Variants in PIEZO2 observed in about 807,000 individuals in gnomAD.
PIEZO2 encodes the protein piezo-type mechanosensitive ion channel component 2.
In PIEZO2, 172 loss-of-function variants were observed where a neutral mutation model predicts 337.3. The observed-to-expected ratio is 0.51, with a 90% confidence interval of 0.45 to 0.58. PIEZO2 has a LOEUF of 0.58. Ranked by LOEUF, PIEZO2 falls within the 20% of genes least tolerant of loss-of-function variation. PIEZO2 has a pLI of 0.00. For synonymous variants in PIEZO2, 1,251 were observed against 1,228.5 expected, an observed-to-expected ratio of 1.02 and a Z score of -0.38; for missense variants, 3,028 against 3,391.3, an observed-to-expected ratio of 0.89 and a Z score of 2.66.
At chr18:10,693,289 A>C (rs2034930582) in intron 47 of PIEZO2, among the ~76,000 whole-genome samples, 1 of 151,682 alleles carries the variant, frequency 6.6e-6, no homozygotes, top group Non-Finnish European at 1.5e-5. Context: ...TGTAGATTCC[A>C]CCGGATTTTC....
chr18:10,903,901 A>T lies in PIEZO2; in HGVS notation c.329+7285T>A, dbSNP rs1360800562. Among the ~76,000 whole-genome samples the T allele has an allele frequency of 6.6e-6, 1 of 152,176 alleles. No individual in the cohort carries two copies. The highest frequency in any genetic ancestry group is 1.9e-4 in the East Asian group (1 of 5,194). ...ATCCCTGTCCCCCAACTATGCAGCC[A>T]GGCCTTGCCTCAACCTCACACATTG... On this transcript the variant is annotated intron_variant, in intron 4 of 55. Transcript: ENST00000674853. The surrounding 1 kb of genome is among the most constrained non-coding windows in gnomAD (Gnocchi z 4.1).
chr18:10,726,961 A>C lies in PIEZO2; in HGVS notation c.5029+4446T>G. The C allele has an allele frequency of 7.2e-7, 1 of 1,397,960 alleles. No individual in the cohort carries two copies. The highest frequency in any genetic ancestry group is 1.4e-5 in the South Asian group (1 of 73,270). The allele number at this position is 1,397,960 out of a possible 1,614,324, so 86.6% of individuals were successfully genotyped here. ...CTGATGTAGGTTGAGGGCTGCAGAC[A>C]GAGGCCCTGGACAGAAGCTCCAGAT... is the stretch of plus-strand genomic sequence containing the variant. On this transcript the variant is annotated intron_variant, in intron 36 of 55. Coordinates refer to ENST00000674853, the MANE Select transcript of PIEZO2 (RefSeq NM_001378183.1). The surrounding 1 kb of genome is among the most constrained non-coding windows in gnomAD (Gnocchi z 5.9).
Position 10,855,658 on chromosome 18 carries a change from C to A in PIEZO2, c.704-92G>T. On this transcript the variant is annotated intron_variant, in intron 6 of 55. Coordinates refer to ENST00000674853, the MANE Select transcript of PIEZO2 (RefSeq NM_001378183.1). This position sits in a 1 kb window ranked among gnomAD's most constrained non-coding sequence, Gnocchi z 4.9. Reference sequence around the variant, plus strand: ...TGACTATTTGAAATTATGTGAATTTCCTTCAAGTGTTTTTAGGTTTTTTAA... The same window carrying A: ...TGACTATTTGAAATTATGTGAATTTACTTCAAGTGTTTTTAGGTTTTTTAA... The A allele has an allele frequency of 9.5e-7, 1 of 1,049,348 alleles. No homozygotes were observed. The highest frequency in any genetic ancestry group is 1.3e-6 in the Non-Finnish European group (1 of 747,004). The allele number at this position is 1,049,348 out of a possible 1,614,324, so 65.0% of individuals were successfully genotyped here.
intron 2 of PIEZO2, among the ~76,000 whole-genome samples, chr18:11,049,426 C>T (rs180946949): frequency 2.6e-5 from 4 of 152,196 alleles, no homozygotes; most frequent in Non-Finnish European, 4.4e-5. Context: ...CACCAGGTAA[C>T]GTTTGTCAAA....
chr18:10,849,827 C>T (rs1224407524), intron 7 of PIEZO2, among the ~76,000 whole-genome samples: 2 of 152,144 alleles, frequency 1.3e-5, no homozygotes, highest in East Asian at 1.9e-4. Context: ...CATTTTTCTT[C>T]GGGAGACCTG....
chr18:10,854,039 C>T lies in PIEZO2; in HGVS notation c.917+1314G>A, dbSNP rs1217038440. 6.6e-6 allele frequency among the ~76,000 whole-genome samples: 1 copy of T among 152,142 alleles called. No homozygotes were observed. The highest frequency in any genetic ancestry group is 2.4e-5 in the African/African-American group (1 of 41,434). ...CTGAACTAGACAGTTGCTGCCTCCACTCTCTATGCAGGCCTCTTTTCCATG... is the reference window on the plus strand; with the variant it reads ...CTGAACTAGACAGTTGCTGCCTCCATTCTCTATGCAGGCCTCTTTTCCATG... On this transcript the variant is annotated intron_variant, in intron 7 of 55. Coordinates refer to ENST00000674853, the MANE Select transcript of PIEZO2 (RefSeq NM_001378183.1). The surrounding 1 kb of genome is among the most constrained non-coding windows in gnomAD (Gnocchi z 4.6).
rs1031750970 is a variant in PIEZO2 at position 11,078,187 on chromosome 18, C to T, written c.65-11965G>A. 6.6e-6 allele frequency among the ~76,000 whole-genome samples: 1 copy of T among 151,960 alleles called. No individual in the cohort carries two copies. Among genetic ancestry groups the T allele is most frequent in the Non-Finnish European group, 1.5e-5 (1 of 67,974 alleles). On this transcript the variant is annotated intron_variant, in intron 1 of 55. Coordinates refer to ENST00000674853, the MANE Select transcript of PIEZO2 (RefSeq NM_001378183.1). The surrounding 1 kb of genome is among the most constrained non-coding windows in gnomAD (Gnocchi z 5.3). ...CACACACCACACACACATACACACA[C>T]ACACTTGTATGGGCTTTATGTAAGC...
At chr18:10,799,710 C>T (rs2039737695) in intron 11 of PIEZO2, among the ~76,000 whole-genome samples, 1 of 152,150 alleles carries the variant, frequency 6.6e-6, no homozygotes, top group African/African-American at 2.4e-5. Flanking sequence ...CGGTGGCCCA[C>T]CCCTGTAGTC....
intron 2 of PIEZO2, among the ~76,000 whole-genome samples, chr18:11,004,942 C>T (rs909728491): frequency 6.6e-6 from 1 of 152,194 alleles, no homozygotes; most frequent in African/African-American, 2.4e-5. Flanking sequence ...TAGCATGGGG[C>T]TTTGCACATA....
chr18:11,004,319 G>C (rs886215731), intron 2 of PIEZO2, among the ~76,000 whole-genome samples: 2 of 152,170 alleles, frequency 1.3e-5, no homozygotes, highest in Non-Finnish European at 2.9e-5. Flanking sequence ...TTCCAGATTG[G>C]GGGCTTGGCC....
chr18:10,760,647 G>A (rs1049194410), intron 24 of PIEZO2, among the ~76,000 whole-genome samples: 5 of 152,162 alleles, frequency 3.3e-5, no homozygotes, highest in Admixed American at 2.0e-4. Context: ...CTGTTAACAC[G>A]GCAACTGATG....
Position 10,727,263 on chromosome 18 carries a change from C to G in PIEZO2, c.5029+4144G>C, listed in dbSNP as rs1269927561. Reference sequence around the variant, plus strand: ...GATGAGGGTGGTTTGGGAATAGAAACTTGTTCTTGCATAAGATGGCTTTGG... The same window carrying G: ...GATGAGGGTGGTTTGGGAATAGAAAGTTGTTCTTGCATAAGATGGCTTTGG... On this transcript the variant is annotated intron_variant, in intron 36 of 55. Coordinates refer to ENST00000674853, the MANE Select transcript of PIEZO2 (RefSeq NM_001378183.1). This position sits in a 1 kb window ranked among gnomAD's most constrained non-coding sequence, Gnocchi z 6.3. 1.0e-5 allele frequency: 2 copies of G among 198,354 alleles called. No individual in the cohort carries two copies. Among genetic ancestry groups the G allele is most frequent in the Non-Finnish European group, 2.0e-5 (2 of 99,068 alleles). The allele number at this position is 198,354 out of a possible 1,614,324, so 12.3% of individuals were successfully genotyped here.
At chr18:10,679,534 A>C (rs1470925368) in intron 52 of PIEZO2, among the ~76,000 whole-genome samples, 14 of 70,232 alleles carry the variant, frequency 2.0e-4, no homozygotes, top group African/African-American at 3.9e-4. Flanking sequence ...ATTTTCTAAA[A>C]ACCAGTATTA....
At position 11,116,584 on chromosome 18, in the gene PIEZO2, G is replaced by A. The variant is rs779588696; in HGVS notation, c.64+31941C>T. 5.3e-5 allele frequency among the ~76,000 whole-genome samples: 8 copies of A among 150,408 alleles called. No individual in the cohort carries two copies. The highest frequency in any genetic ancestry group is 1.7e-4 in the African/African-American group (7 of 40,032). On this transcript the variant is annotated intron_variant, in intron 1 of 55. Coordinates refer to ENST00000674853, the MANE Select transcript of PIEZO2 (RefSeq NM_001378183.1). This position sits in a 1 kb window ranked among gnomAD's most constrained non-coding sequence, Gnocchi z 5.0. ...TAAAAAATTAGCCGGGCGTGGTGGC[G>A]GGGGGCCTGTAGTCCCAGCTACTCG...
At chr18:10,689,048 G>A (rs547129607) in intron 49 of PIEZO2, among the ~76,000 whole-genome samples, 19 of 152,136 alleles carry the variant, frequency 1.2e-4, no homozygotes, top group Middle Eastern at 6.8e-3. Context: ...TTTCAAGGAG[G>A]GTATTTTGAG....
chr18:10,907,136 A>G (rs1389072473), intron 4 of PIEZO2, among the ~76,000 whole-genome samples: 1 of 152,194 alleles, frequency 6.6e-6, no homozygotes, highest in Non-Finnish European at 1.5e-5. Flanking sequence ...TAAGAACAGC[A>G]TTAATCATTG....
At chr18:10,814,859 G>C (rs902685095) in intron 7 of PIEZO2, among the ~76,000 whole-genome samples, 1 of 152,206 alleles carries the variant, frequency 6.6e-6, no homozygotes, top group African/African-American at 2.4e-5. Flanking sequence ...CACATGACAA[G>C]CAGCCTTGAA....
chr18:10,966,029 C>G (rs2033982753), intron 3 of PIEZO2, among the ~76,000 whole-genome samples: 1 of 152,170 alleles, frequency 6.6e-6, no homozygotes, highest in Non-Finnish European at 1.5e-5. Flanking sequence ...ATAACAAATA[C>G]AGAATGCCAA....
chr18:11,007,763 T>C (rs999051744), intron 2 of PIEZO2, among the ~76,000 whole-genome samples: 1 of 152,112 alleles, frequency 6.6e-6, no homozygotes, highest in African/African-American at 2.4e-5. Flanking sequence ...CAACCAAAAC[T>C]TCTGTATCTA....
Sources: allele counts gnomAD v4.1 joint callset (sites outside exome capture counted in the v4.1 genomes callset), GRCh38; gene constraint gnomAD v4.1.1; non-coding constraint Gnocchi (gnomAD v3.1); transcripts MANE v1.5; gene names NCBI Gene and HGNC (gene_info 2026-07-23, HGNC 2026-07-21).